The following GALNT18 variants were observed in gnomAD, a reference collection of about 807,000 sequenced individuals.
The protein encoded by GALNT18 is polypeptide N-acetylgalactosaminyltransferase 18.
In GALNT18, 44 loss-of-function variants were observed where a neutral mutation model predicts 69.5. The observed-to-expected ratio is 0.63, with a 90% confidence interval of 0.50 to 0.81. The LOEUF is 0.81. GALNT18 is among the 40% of genes least tolerant of loss of function. GALNT18 has a pLI of 0.00. For missense variants in GALNT18, 715 were observed against 810.0 expected, an observed-to-expected ratio of 0.88 and a Z score of 1.42; for synonymous variants, 364 against 318.2, an observed-to-expected ratio of 1.14 and a Z score of -1.53.
chr11:11,296,759 G>A (rs939162182), intron 9 of GALNT18, among the ~76,000 whole-genome samples: 3 of 152,162 alleles, frequency 2.0e-5, no homozygotes, highest in Non-Finnish European at 4.4e-5. Context: ...TGGGGCAGAC[G>A]ATTGTTATTT....
chr11:11,522,105 G>A (rs1332625966), intron 1 of GALNT18, among the ~76,000 whole-genome samples: 2 of 152,120 alleles, frequency 1.3e-5, no homozygotes, highest in African/African-American at 2.4e-5. Flanking sequence ...TAGGAAGGAA[G>A]GAAGGAAGGA....
Position 11,563,070 on chromosome 11 carries a change from C to G in GALNT18, c.235+58289G>C, listed in dbSNP as rs746835459. Among the ~76,000 whole-genome samples, 9 of 152,190 alleles carry G rather than the reference C, an allele frequency of 5.9e-5. No individual in the cohort carries two copies. Among genetic ancestry groups the G allele is most frequent in the South Asian group, 2.1e-4 (1 of 4,832 alleles). On this transcript the variant is annotated intron_variant, in intron 1 of 10. Transcript: ENST00000227756. The surrounding 1 kb of genome is among the most constrained non-coding windows in gnomAD (Gnocchi z 4.6). ...TGGCTTCCCTATATACTTCCACCCC[C>G]ACCCTGCAAACAAGACTCCTCCAGC...
Position 11,293,180 on chromosome 11 carries a change from G to A in GALNT18, c.1526C>T (p.Thr509Met), listed in dbSNP as rs372092468. ...GCCCACATGGATCTGCTGACTGCTC[G>A]TGTAGTACACGTTCTGGGGGCGGAG... ...HGMTPQNVYY[T>M]SSQQIHVGIL... The change falls in exon 10 of 11, where the codon ACG (threonine) becomes ATG (methionine). Residue 509 changes from threonine to methionine, a missense_variant. Transcript: ENST00000227756. 15 of 1,332,794 alleles carry A rather than the reference G, an allele frequency of 1.1e-5. No individual in the cohort carries two copies. The South Asian group carries it at 1.3e-4, about 12-fold the overall frequency. The allele number at this position is 1,332,794 out of a possible 1,614,324, so 82.6% of individuals were successfully genotyped here.
intron 10 of GALNT18, among the ~76,000 whole-genome samples, chr11:11,280,150 C>T (rs550675984): frequency 6.6e-5 from 10 of 152,238 alleles, no homozygotes; most frequent in African/African-American, 2.4e-4. Context: ...GCACCCCCCG[C>T]CCGGGGAGTG....
chr11:11,331,738 A>G (rs1850020049), intron 8 of GALNT18, among the ~76,000 whole-genome samples: 1 of 152,050 alleles, frequency 6.6e-6, no homozygotes, highest in Admixed American at 6.5e-5. Context: ...CTGTTTCCCC[A>G]CCTGTGACAT....
At position 11,356,581 on chromosome 11, in the gene GALNT18, C is replaced by T. The variant is rs1400278246; in HGVS notation, c.1093-15577G>A. ...TCTATAATCAAAGTTCACCAATTGT[C>T]CCAATCAAAGCCTTTATAGCTATTT... On this transcript the variant is annotated intron_variant, in intron 6 of 10. Transcript: ENST00000227756. The surrounding 1 kb of genome is among the most constrained non-coding windows in gnomAD (Gnocchi z 4.4). 1.3e-5 allele frequency among the ~76,000 whole-genome samples: 2 copies of T among 152,132 alleles called. No homozygotes were observed. Among genetic ancestry groups the T allele is most frequent in the Non-Finnish European group, 2.9e-5 (2 of 68,022 alleles).
intron 3 of GALNT18, among the ~76,000 whole-genome samples, chr11:11,398,869 T>G (rs1159665464): frequency 6.6e-6 from 1 of 152,160 alleles, no homozygotes; most frequent in Non-Finnish European, 1.5e-5. Context: ...CATGTACAAG[T>G]ATCCTGAAAA....
At chr11:11,397,096 T>C (rs1226892156) in intron 3 of GALNT18, among the ~76,000 whole-genome samples, 1 of 151,732 alleles carries the variant, frequency 6.6e-6, no homozygotes, top group African/African-American at 2.4e-5. Flanking sequence ...ATTTAGGAGG[T>C]CTCCAGAGAC....
chr11:11,390,667 G>A (rs890610346), intron 3 of GALNT18, among the ~76,000 whole-genome samples: 2 of 152,144 alleles, frequency 1.3e-5, no homozygotes, highest in Non-Finnish European at 2.9e-5. Flanking sequence ...GTGGGGAGGT[G>A]GAAGGACCTT....
At chr11:11,305,806 T>C (rs1280458090) in intron 9 of GALNT18, among the ~76,000 whole-genome samples, 1 of 152,176 alleles carries the variant, frequency 6.6e-6, no homozygotes, top group East Asian at 1.9e-4. Flanking sequence ...TACCCACCCT[T>C]ATATCTCTAT....
rs921261614 is a variant in GALNT18, at chr11:11,474,804, C to T, written c.236-25868G>A. ...AGAGTTGCTGCAGTGCAAACAGGGA[C>T]GCCTCAAATTCACCATAGATGAGAT... On this transcript the variant is annotated intron_variant, in intron 1 of 10. Transcript: ENST00000227756. Among the ~76,000 whole-genome samples, 8 of 152,230 alleles carry T rather than the reference C, an allele frequency of 5.3e-5. No individual in the cohort carries two copies. In the East Asian group the frequency reaches 9.7e-4, roughly 18 times the overall value.
At chr11:11,422,162 T>G (rs1416031203) in intron 3 of GALNT18, among the ~76,000 whole-genome samples, 1 of 152,228 alleles carries the variant, frequency 6.6e-6, no homozygotes, top group African/African-American at 2.4e-5. Context: ...CATTCAATAC[T>G]CAGAGTAGCC....
At chr11:11,313,330 G>A (rs553372759) in intron 9 of GALNT18, among the ~76,000 whole-genome samples, 8 of 152,266 alleles carry the variant, frequency 5.3e-5, no homozygotes, top group African/African-American at 1.9e-4. Flanking sequence ...GAAGGGTAGC[G>A]CTGATTGAGA....
chr11:11,546,967 G>A lies in GALNT18; in HGVS notation c.235+74392C>T, dbSNP rs1442944699. 4.0e-5 allele frequency among the ~76,000 whole-genome samples: 6 copies of A among 151,546 alleles called. No individual in the cohort carries two copies. Among genetic ancestry groups the A allele is most frequent in the African/African-American group, 1.5e-4 (6 of 41,198 alleles). The stretch of plus-strand genomic sequence containing the variant: ...TTAACTCTTGTCATTTTCATCTGAT[G>A]CCTCTCTGGGAGGCAGACAGCCTGA... On this transcript the variant is annotated intron_variant, in intron 1 of 10. Transcript: ENST00000227756. The surrounding 1 kb of genome is among the most constrained non-coding windows in gnomAD (Gnocchi z 5.8).
chr11:11,379,308 G>A, intron 3 of GALNT18, 44 bp from the exon 4 acceptor site: 1 of 1,560,722 alleles, frequency 6.4e-7, no homozygotes, highest in Non-Finnish European at 8.7e-7. Flanking sequence ...GGGAGGTCAG[G>A]AGGCAGAGGG....
At chr11:11,294,299 A>G (rs1564884070) in intron 9 of GALNT18, among the ~76,000 whole-genome samples, 3 of 151,474 alleles carry the variant, frequency 2.0e-5, no homozygotes, top group Non-Finnish European at 4.4e-5. Flanking sequence ...TTAGAGACGC[A>G]GCACCAGGGT....
intron 6 of GALNT18, chr11:11,352,895 CTTT>C (rs1413142398): frequency 1.2e-6 from 2 of 1,613,984 alleles, no homozygotes; most frequent in African/African-American, 1.3e-5. Context: ...TAATTTTCTT[CTTT>C]TTTACTGGCT....
rs1176104784 is a variant in GALNT18, at chr11:11,543,971, A to G, written c.235+77388T>C. On this transcript the variant is annotated intron_variant, in intron 1 of 10. Coordinates refer to ENST00000227756, the MANE Select transcript of GALNT18 (RefSeq NM_198516.3). The surrounding 1 kb of genome is among the most constrained non-coding windows in gnomAD (Gnocchi z 5.1). ...AAAGCCAGTCCAGTCCTCTGTCACA[A>G]TTGCCTACAAACTTAATAAAAATGG... 1.3e-5 allele frequency among the ~76,000 whole-genome samples: 2 copies of G among 152,210 alleles called. No individual in the cohort carries two copies. The highest frequency in any genetic ancestry group is 2.4e-5 in the African/African-American group (1 of 41,456).
intron 1 of GALNT18, among the ~76,000 whole-genome samples, chr11:11,510,478 C>T (rs1465830576): frequency 1.9e-5 from 2 of 107,658 alleles, no homozygotes; most frequent in Admixed American, 1.7e-4. Flanking sequence ...CATTTCCAGG[C>T]CTTGTACCAG....
Sources: gnomAD v4.1 joint callset for allele counts (sites outside exome capture counted in the v4.1 genomes callset) on GRCh38, gnomAD v4.1.1 for gene constraint, Gnocchi (gnomAD v3.1) non-coding constraint, MANE v1.5 for transcripts, NCBI Gene and HGNC (gene_info 2026-07-23, HGNC 2026-07-21) for gene names.